PKP4: variants seen among roughly 807,000 people sequenced by gnomAD.
The protein encoded by PKP4 is plakophilin 4, also known as plakophilin-4.
A neutral mutation model predicts 145.1 loss-of-function variants in PKP4; 90 were observed. That is an observed-to-expected ratio of 0.62 (90% CI 0.52 to 0.74). The LOEUF is 0.74. Among genes scored for constraint, PKP4 ranks in the 30% least tolerant of loss-of-function variants. The pLI, the probability that PKP4 is intolerant of heterozygous loss-of-function variation, is 0.00. For missense variants in PKP4, 1,340 were observed against 1,482.7 expected, an observed-to-expected ratio of 0.90 and a Z score of 1.58; for synonymous variants, 563 against 577.2, an observed-to-expected ratio of 0.98 and a Z score of 0.35.
At chr2:158,653,578 C>T (rs1322045958) in intron 11 of PKP4, among the ~76,000 whole-genome samples, 1 of 152,192 alleles carries the variant, frequency 6.6e-6, no homozygotes, top group African/African-American at 2.4e-5. Context: ...ATGCATGAGA[C>T]TCCCTAATAT....
intron 3 of PKP4, among the ~76,000 whole-genome samples, chr2:158,591,925 A>G (rs1215237608): frequency 6.6e-6 from 1 of 152,088 alleles, no homozygotes; most frequent in African/African-American, 2.4e-5. Flanking sequence ...TTTTGGATTC[A>G]TGTTTCTTAA....
At chr2:158,583,315 ACTC>A (rs1176161938) in intron 3 of PKP4, among the ~76,000 whole-genome samples, 2 of 151,844 alleles carry the variant, frequency 1.3e-5, no homozygotes, top group African/African-American at 4.8e-5. Flanking sequence ...GTACCTATCT[ACTC>A]CTCCCTAGGA....
intron 3 of PKP4, among the ~76,000 whole-genome samples, chr2:158,599,757 G>A (rs1348974767): frequency 6.6e-6 from 1 of 152,118 alleles, no homozygotes; most frequent in East Asian, 1.9e-4. Context: ...TCTGAATCTG[G>A]GTTTCAAGGA....
chr2:158,529,178 A>G (rs538370370), intron 1 of PKP4, among the ~76,000 whole-genome samples: 1 of 152,218 alleles, frequency 6.6e-6, no homozygotes, highest in Non-Finnish European at 1.5e-5. Context: ...GGCCTCCGTT[A>G]TTGCTCCAAC....
chr2:158,505,783 G>A (rs1169440570), intron 1 of PKP4, among the ~76,000 whole-genome samples: 1 of 152,138 alleles, frequency 6.6e-6, no homozygotes, highest in African/African-American at 2.4e-5. Flanking sequence ...GGCATGCCAG[G>A]GCCTGGAACT....
intron 3 of PKP4, among the ~76,000 whole-genome samples, chr2:158,581,181 A>G (rs1402361392): frequency 6.6e-6 from 1 of 152,224 alleles, no homozygotes; most frequent in Non-Finnish European, 1.5e-5. Context: ...AAGAACAGAA[A>G]TTAGCTCTTA....
chr2:158,644,564 A>G (rs1574937068), intron 11 of PKP4, among the ~76,000 whole-genome samples: 2 of 84,108 alleles, frequency 2.4e-5, no homozygotes, highest in African/African-American at 8.4e-5. Flanking sequence ...AGTTAAAATA[A>G]GCACAGTAGA....
rs760985315 is a variant in PKP4 at position 158,625,429 on chromosome 2, T to TGA, written c.1153+3_1153+4insAG. ...CACCCAGGCCAGACAGCCTGACAGGTGCGTACAAGGTGACAGTGCTACATA... is the reference window on the plus strand; with the variant it reads ...CACCCAGGCCAGACAGCCTGACAGGTGAGCGTACAAGGTGACAGTGCTACATA... On this transcript the variant is annotated splice_region_variant and intron_variant, in intron 7 of 21. Transcript: ENST00000389759. The TGA allele has an allele frequency of 3.7e-5, 59 of 1,604,934 alleles. No individual in the cohort carries two copies. In the South Asian group the frequency reaches 6.5e-4, roughly 18 times the overall value.
At chr2:158,601,743 A>G (rs1339109090) in intron 3 of PKP4, among the ~76,000 whole-genome samples, 1 of 152,220 alleles carries the variant, frequency 6.6e-6, no homozygotes, top group Non-Finnish European at 1.5e-5. Context: ...TGCACCTGTG[A>G]TGGAGAAAAG....
intron 3 of PKP4, among the ~76,000 whole-genome samples, chr2:158,584,300 G>A (rs1295130632): frequency 6.6e-6 from 1 of 152,194 alleles, no homozygotes; most frequent in South Asian, 2.1e-4. Flanking sequence ...TGGTTTCCAC[G>A]TGCCAGCGGA....
intron 2 of PKP4, among the ~76,000 whole-genome samples, chr2:158,563,502 G>C (rs1457739528): frequency 6.6e-6 from 1 of 152,014 alleles, no homozygotes; most frequent in Admixed American, 6.6e-5. Context: ...AACATATTCT[G>C]TATCAGCACA....
Position 158,661,250 on chromosome 2 carries a change from C to G in PKP4, c.2094-83C>G, listed in dbSNP as rs1575042166. The G allele has an allele frequency of 1.6e-5, 16 of 1,005,520 alleles. No individual in the cohort carries two copies. In the East Asian group the frequency reaches 3.2e-4, roughly 20 times the overall value. The allele number at this position is 1,005,520 out of a possible 1,614,324, so 62.3% of individuals were successfully genotyped here. A position where few individuals can be genotyped will look rare whatever the true frequency, so the allele number is the denominator to read the frequency against. ...AAGTGGCTGCCACCTGTTGTTCGCTCTCTCAGATCCTTAAGGTTAAGTCCA... is the reference window on the plus strand; with the variant it reads ...AAGTGGCTGCCACCTGTTGTTCGCTGTCTCAGATCCTTAAGGTTAAGTCCA... On this transcript the variant is annotated intron_variant, in intron 12 of 21. Coordinates refer to ENST00000389759, the MANE Select transcript of PKP4 (RefSeq NM_003628.6).
At chr2:158,474,883 C>A (rs1402791973) in intron 1 of PKP4, among the ~76,000 whole-genome samples, 1 of 152,224 alleles carries the variant, frequency 6.6e-6, no homozygotes, top group African/African-American at 2.4e-5. Flanking sequence ...TGACTGATGC[C>A]TTGTGGGGTT....
intron 1 of PKP4, among the ~76,000 whole-genome samples, chr2:158,501,999 G>C (rs905981668): frequency 4.6e-5 from 7 of 152,204 alleles, no homozygotes; most frequent in Non-Finnish European, 8.8e-5. Flanking sequence ...TATTTATAAA[G>C]TGTGTTTGAT....
At position 158,654,591 on chromosome 2, in the gene PKP4, T is replaced by C. The variant is rs537184115; in HGVS notation, c.1910-3540T>C. ...CGATTCTGGGAGATAGAATGGCAAC[T>C]GGATTCTCCTATCCCCGTAACTAAG... On this transcript the variant is annotated intron_variant, in intron 11 of 21. Coordinates refer to ENST00000389759, the MANE Select transcript of PKP4 (RefSeq NM_003628.6). Among the ~76,000 whole-genome samples, 31 of 152,314 alleles carry C rather than the reference T, an allele frequency of 2.0e-4. 1 individual carries two copies. In the South Asian group the frequency reaches 5.2e-3, roughly 25 times the overall value.
At chr2:158,477,531 G>T (rs1353883203) in intron 1 of PKP4, among the ~76,000 whole-genome samples, 1 of 152,190 alleles carries the variant, frequency 6.6e-6, no homozygotes, top group South Asian at 2.1e-4. Context: ...AGTAATTATG[G>T]CCTGATACCT....
At chr2:158,574,430 A>C (rs1037709202) in intron 2 of PKP4, among the ~76,000 whole-genome samples, 1 of 152,244 alleles carries the variant, frequency 6.6e-6, no homozygotes, top group African/African-American at 2.4e-5. Flanking sequence ...CTGCATCATC[A>C]TCTTAATGAG....
Position 158,625,288 on chromosome 2 carries a change from C to T in PKP4, c.1014C>T (p.Pro338=), listed in dbSNP as rs1455689617. 24 of 1,614,218 alleles carry T rather than the reference C, an allele frequency of 1.5e-5. No homozygotes were observed. Among genetic ancestry groups the T allele is most frequent in the East Asian group, 2.2e-5 (1 of 44,878 alleles). ...AAGGCCAGGTGGGGTCGTCGTCCCC[C>T]AAACGCTCAGGGATGACCGCCGTAC... ...PSQGQVGSSS[P]KRSGMTAVPQ... The change falls in exon 7 of 22, where the codon CCC becomes CCT. Residue 338 remains proline (P), a synonymous_variant. Transcript: ENST00000389759.
At chr2:158,512,158 T>C (rs2041575083) in intron 1 of PKP4, among the ~76,000 whole-genome samples, 1 of 152,200 alleles carries the variant, frequency 6.6e-6, no homozygotes, top group Admixed American at 6.5e-5. Context: ...TATACAAAAT[T>C]GGAATAATTG....
Sources: allele counts gnomAD v4.1 joint callset (sites outside exome capture counted in the v4.1 genomes callset), GRCh38; gene constraint gnomAD v4.1.1; transcripts MANE v1.5; gene names NCBI Gene and HGNC (gene_info 2026-07-23, HGNC 2026-07-21).